Variants in OXTR observed in about 807,000 individuals in gnomAD.
OXTR encodes oxytocin receptor.
OXTR carries 19 observed loss-of-function variants against 23.9 expected under a neutral mutation model. The ratio of observed to expected loss-of-function variants is 0.80; its 90% CI spans 0.56 to 1.17. The LOEUF (loss-of-function observed/expected upper bound fraction) is 1.17. OXTR is among the 50% of genes most tolerant of loss of function. The pLI is 0.00. For missense variants in OXTR, 500 were observed against 550.7 expected (o/e 0.91, Z 0.92); for synonymous variants, 278 against 250.5 (o/e 1.11, Z -1.04).
chr3:8,759,825 C>A (rs1575486817), intron 3 of OXTR, among the ~76,000 whole-genome samples: 1 of 152,252 alleles, frequency 6.6e-6, no homozygotes, highest in Non-Finnish European at 1.5e-5. Flanking sequence ...AGAGGCTGCC[C>A]CTCAGTGCAG....
rs564327434 is a variant in OXTR, at chr3:8,761,173, C to T, written c.922+6093G>A. 2.6e-5 allele frequency among the ~76,000 whole-genome samples: 4 copies of T among 152,238 alleles called. No homozygotes were observed. The South Asian group carries it at 8.3e-4, about 32-fold the overall frequency. On this transcript the variant is annotated intron_variant, in intron 3 of 3. Coordinates refer to ENST00000316793, the MANE Select transcript of OXTR (RefSeq NM_000916.4). ...AAAGTTGAAAAAATCGTGCTCTAAA[C>T]CAAGAAGGTGAAAATGGAAAGAGAA...
At chr3:8,758,322 G>T (rs1256381743) in intron 3 of OXTR, among the ~76,000 whole-genome samples, 1 of 152,070 alleles carries the variant, frequency 6.6e-6, no homozygotes, top group Non-Finnish European at 1.5e-5. Context: ...CCGCCTCTCC[G>T]GGCTGTGCTG....
chr3:8,741,848 G>T, the OXTR span, among the ~76,000 whole-genome samples: 1 of 152,128 alleles, frequency 6.6e-6, no homozygotes, highest in African/African-American at 2.4e-5. Context: ...AGAGACTGCG[G>T]GGACTGCGCT....
Position 8,751,027 on chromosome 3 carries a change from A to T in OXTR, c.*1950T>A, listed in dbSNP as rs561979440. Reference sequence around the variant, plus strand: ...TTTAAATTTCTACCAGTTTCTCTACATCCTCACCGACACTCGTTCTTGTCC... The same window carrying T: ...TTTAAATTTCTACCAGTTTCTCTACTTCCTCACCGACACTCGTTCTTGTCC... On this transcript the variant is annotated 3_prime_UTR_variant, in exon 4 of 4. Coordinates refer to ENST00000316793, the MANE Select transcript of OXTR (RefSeq NM_000916.4). 4 of 152,292 alleles carry T rather than the reference A, an allele frequency of 2.6e-5. No homozygotes were observed. The highest frequency in any genetic ancestry group is 9.6e-5 in the African/African-American group (4 of 41,564). The allele number at this position is 152,292 out of a possible 1,614,324, so 9.4% of individuals were successfully genotyped here.
chr3:8,765,909 G>A (rs1708596351), intron 3 of OXTR, among the ~76,000 whole-genome samples: 1 of 152,212 alleles, frequency 6.6e-6, no homozygotes, highest in Non-Finnish European at 1.5e-5. Flanking sequence ...AACTGGGAGG[G>A]TTCCATAAAG....
At position 8,767,911 on chromosome 3, in the gene OXTR, C is replaced by T; in HGVS notation, c.277G>A (p.Val93Met). Residue 93 changes from valine to methionine, a missense_variant, in exon 3 of 4, where the codon GTG becomes ATG. Val to Met is a conservative substitution (Grantham distance 21, BLOSUM62 1). Coordinates refer to ENST00000316793, the MANE Select transcript of OXTR (RefSeq NM_000916.4). ...ATGTCCCACAGCAACTGCGGCAGCA[C>T]CTGAAACACTGCCACCACCAGGTCG... Reference protein sequence around the residue: ...IADLVVAVFQVLPQLLWDITF... With the variant: ...IADLVVAVFQMLPQLLWDITF... The T allele has an allele frequency of 1.2e-6, 2 of 1,613,732 alleles. No individual in the cohort carries two copies. Among genetic ancestry groups the T allele is most frequent in the African/African-American group, 1.3e-5 (1 of 75,050 alleles).
intron 3 of OXTR, among the ~76,000 whole-genome samples, chr3:8,764,244 G>C (rs780548888): frequency 4.2e-4 from 64 of 152,142 alleles, no homozygotes; most frequent in Non-Finnish European, 8.2e-4. Flanking sequence ...ACCTCCCTGG[G>C]GTTTTCATGA....
rs1708685297 is a variant in OXTR at position 8,768,285 on chromosome 3, G to A, written c.-98C>T. 1.1e-5 allele frequency: 13 copies of A among 1,228,976 alleles called. No individual in the cohort carries two copies. The highest frequency in any genetic ancestry group is 1.2e-5 in the Non-Finnish European group (12 of 988,492). 76.1% of individuals were successfully genotyped at this position (1,228,976 alleles called of 1,614,324 possible). A position where few individuals can be genotyped will look rare whatever the true frequency, so the allele number is the denominator to read the frequency against. ...TGTCGGAGGGTGTAGGGGCGCCCGGGGCTCCACTCCTGGAGACTCCACGGA... is the reference window on the plus strand; with the variant it reads ...TGTCGGAGGGTGTAGGGGCGCCCGGAGCTCCACTCCTGGAGACTCCACGGA... On this transcript the variant is annotated 5_prime_UTR_variant, in exon 3 of 4. Coordinates refer to ENST00000316793, the MANE Select transcript of OXTR (RefSeq NM_000916.4). This position sits in a 1 kb window ranked among gnomAD's most constrained non-coding sequence, Gnocchi z 5.4.
At chr3:8,754,413 G>C (rs1269346721) in intron 3 of OXTR, among the ~76,000 whole-genome samples, 1 of 152,202 alleles carries the variant, frequency 6.6e-6, no homozygotes, top group Non-Finnish European at 1.5e-5. Flanking sequence ...TAAGAATTCT[G>C]TTCAGCCACC....
At chr3:8,754,422 C>G (rs1005926348) in intron 3 of OXTR, among the ~76,000 whole-genome samples, 1 of 152,222 alleles carries the variant, frequency 6.6e-6, no homozygotes. Flanking sequence ...TGTTCAGCCA[C>G]CTCCTTGTGT....
At position 8,768,278 on chromosome 3, in the gene OXTR, C is replaced by T; in HGVS notation, c.-91G>A. On this transcript the variant is annotated 5_prime_UTR_variant, in exon 3 of 4. Transcript: ENST00000316793. This position sits in a 1 kb window ranked among gnomAD's most constrained non-coding sequence, Gnocchi z 5.4. ...TCCGGCGTGTCGGAGGGTGTAGGGG[C>T]GCCCGGGGCTCCACTCCTGGAGACT... is the stretch of plus-strand genomic sequence containing the variant. 2 of 1,231,986 alleles carry T rather than the reference C, an allele frequency of 1.6e-6. No homozygotes were observed. The highest frequency in any genetic ancestry group is 4.3e-5 in the Admixed American group (1 of 22,992). 76.3% of individuals were successfully genotyped at this position (1,231,986 alleles called of 1,614,324 possible). A position where few individuals can be genotyped will look rare whatever the true frequency, so the allele number is the denominator to read the frequency against.
downstream of OXTR, among the ~76,000 whole-genome samples, chr3:8,749,317 GACAAAGCATCCC>G (rs1271652747): frequency 1.3e-5 from 2 of 152,172 alleles, no homozygotes; most frequent in Admixed American, 1.3e-4. Flanking sequence ...CGAAGAGAGT[GACAAAGCATCCC>G]ACTTGGTTCT....
Position 8,753,199 on chromosome 3 carries a change from G to A in OXTR, c.948C>T (p.Leu316=). 6.2e-6 allele frequency: 10 copies of A among 1,614,130 alleles called. No homozygotes were observed. The highest frequency in any genetic ancestry group is 1.1e-5 in the South Asian group (1 of 91,072). Residue 316 remains leucine (L), a synonymous_variant, in exon 4 of 4, where the codon CTC becomes CTT. Coordinates refer to ENST00000316793, the MANE Select transcript of OXTR (RefSeq NM_000916.4). ...TGCAGCAGCTGTTGAGGCTGGCCAG[G>A]AGCATGACGATGATGAAGGCCGAGG... is the stretch of plus-strand genomic sequence containing the variant. ...KEASAFIIVM[L]LASLNSCCNP...
At chr3:8,762,685 A>G (rs53576) in intron 3 of OXTR, among the ~76,000 whole-genome samples, 103,774 of 152,162 alleles carry the variant, frequency 0.68, 36,029 homozygotes, top group African/African-American at 0.78. Flanking sequence ...ATGCCCGAGG[A>G]TCCTCAGTCC....
chr3:8,752,834 A>C lies in OXTR; in HGVS notation c.*143T>G. The C allele has an allele frequency of 1.2e-6, 1 of 849,186 alleles. No individual in the cohort carries two copies. The highest frequency in any genetic ancestry group is 1.8e-6 in the Non-Finnish European group (1 of 564,944). The allele number at this position is 849,186 out of a possible 1,614,324, so 52.6% of individuals were successfully genotyped here. On this transcript the variant is annotated 3_prime_UTR_variant, in exon 4 of 4. Coordinates refer to ENST00000316793, the MANE Select transcript of OXTR (RefSeq NM_000916.4). ...TCTTCCATCATGGAGGCCACTCTCCACCCCACTGAAGCCACCCCAAGGAGG... is the reference window on the plus strand; with the variant it reads ...TCTTCCATCATGGAGGCCACTCTCCCCCCCACTGAAGCCACCCCAAGGAGG...
At chr3:8,759,742 CCA>C (rs1474086118) in intron 3 of OXTR, among the ~76,000 whole-genome samples, 1 of 152,158 alleles carries the variant, frequency 6.6e-6, no homozygotes, top group Non-Finnish European at 1.5e-5. Flanking sequence ...GGGCAGAAGC[CCA>C]CAGTCTCAAA....
chr3:8,750,294 G>A (rs1360316508), downstream of OXTR: 1 of 152,160 alleles, frequency 6.6e-6, no homozygotes, highest in Admixed American at 6.5e-5. Context: ...AGAAAATGAT[G>A]AGATCCCTCT....
chr3:8,756,751 C>T (rs932469248), intron 3 of OXTR, among the ~76,000 whole-genome samples: 4 of 152,216 alleles, frequency 2.6e-5, no homozygotes, highest in Admixed American at 6.5e-5. Flanking sequence ...GAGCTGCCAC[C>T]ACACCCAATG....
rs1437740169 is a variant in OXTR, at chr3:8,752,167, A to C, written c.*810T>G. On this transcript the variant is annotated 3_prime_UTR_variant, in exon 4 of 4. Transcript: ENST00000316793. ...GTTTGTTGCTAGTATAAAGAAATAC[A>C]ATTCATTTTTGTATATTGATCTTGT... The C allele has an allele frequency of 1.3e-5, 2 of 152,198 alleles. No homozygotes were observed. Among genetic ancestry groups the C allele is most frequent in the Non-Finnish European group, 2.9e-5 (2 of 68,048 alleles). The allele number at this position is 152,198 out of a possible 1,614,324, so 9.4% of individuals were successfully genotyped here.
Sources: allele counts gnomAD v4.1 joint callset (sites outside exome capture counted in the v4.1 genomes callset), GRCh38; gene constraint gnomAD v4.1.1; non-coding constraint Gnocchi (gnomAD v3.1); transcripts MANE v1.5; gene names NCBI Gene and HGNC (gene_info 2026-07-23, HGNC 2026-07-21).